TP63: variants seen among roughly 807,000 people sequenced by gnomAD.
The protein encoded by TP63 is tumor protein 63.
In TP63, 17 loss-of-function variants were observed where a neutral mutation model predicts 82.8. The ratio of observed to expected loss-of-function variants is 0.21; its 90% CI spans 0.14 to 0.31. The LOEUF is 0.31. TP63 is among the 10% of genes least tolerant of loss of function. TP63 has a pLI of 1.00. For synonymous variants in TP63, 330 were observed against 321.7 expected, an observed-to-expected ratio of 1.03 and a Z score of -0.28; for missense variants, 648 against 895.3, an observed-to-expected ratio of 0.72 and a Z score of 3.52.
chr3:189,760,945 C>T (rs1261589193), intron 3 of TP63, among the ~76,000 whole-genome samples: 1 of 152,208 alleles, frequency 6.6e-6, no homozygotes, highest in Non-Finnish European at 1.5e-5. Flanking sequence ...CTTGCACCCT[C>T]TGAGGCCATG....
rs367763002 is a variant in TP63, at chr3:189,819,747, C to CTTTT, written c.579+11240_579+11243dup. Among the ~76,000 whole-genome samples the CTTTT allele has an allele frequency of 2.8e-4, 25 of 89,838 alleles. 1 individual carries two copies. Among genetic ancestry groups the CTTTT allele is most frequent in the South Asian group, 4.0e-4 (1 of 2,524 alleles). 58.9% of individuals were successfully genotyped at this position (89,838 alleles called of 152,430 possible). Reference sequence around the variant, plus strand: ...TCACTGGTAATGGATTATATTTTACCTTTTTTTTTTTTTTTTTTTTTTGAG... The same window carrying CTTTT: ...TCACTGGTAATGGATTATATTTTACCTTTTTTTTTTTTTTTTTTTTTTTTTTGAG... On this transcript the variant is annotated intron_variant, in intron 4 of 13. Transcript: ENST00000264731.
chr3:189,840,119 G>A (rs532754643), intron 4 of TP63, among the ~76,000 whole-genome samples: 5 of 152,282 alleles, frequency 3.3e-5, no homozygotes, highest in Admixed American at 1.3e-4. Context: ...TACATCAAGC[G>A]TAAGTCTTAT....
At chr3:189,793,235 T>A (rs1725341929) in intron 3 of TP63, among the ~76,000 whole-genome samples, 1 of 151,698 alleles carries the variant, frequency 6.6e-6, no homozygotes, top group Non-Finnish European at 1.5e-5. Flanking sequence ...AAAAAAAGAT[T>A]TTGAGACAAT....
chr3:189,869,730 T>A (rs1718186391), intron 9 of TP63, among the ~76,000 whole-genome samples: 3 of 151,662 alleles, frequency 2.0e-5, no homozygotes, highest in South Asian at 4.2e-4. Context: ...TTTTTTTTTT[T>A]TATAAGGGCA....
the TP63 span, among the ~76,000 whole-genome samples, chr3:189,624,344 G>A: frequency 6.6e-6 from 1 of 151,906 alleles, no homozygotes; most frequent in Admixed American, 6.6e-5. Context: ...ACATATGTGT[G>A]GTTTTTAATG....
At chr3:189,873,067 T>C (rs1300636830) in intron 10 of TP63, 72 bp downstream of exon 10, 2 of 1,606,784 alleles carry the variant, frequency 1.2e-6, no homozygotes, top group East Asian at 2.2e-5. Context: ...AATAGGGTGA[T>C]TGATGAGCAA....
intron 1 of TP63, among the ~76,000 whole-genome samples, chr3:189,713,432 T>C (rs1252848379): frequency 6.6e-6 from 1 of 152,214 alleles, no homozygotes; most frequent in East Asian, 1.9e-4. Flanking sequence ...TTCATTTTCC[T>C]GAGCTGAGTT....
chr3:189,866,533 TG>T (rs1353732111), intron 5 of TP63, 148 bp from the exon 6 acceptor site: 15 of 700,058 alleles, frequency 2.1e-5, no homozygotes, highest in African/African-American at 5.4e-5. Context: ...TATCTGGCTA[TG>T]GGATCTGTTC....
intron 1 of TP63, among the ~76,000 whole-genome samples, chr3:189,679,917 A>G (rs953570211): frequency 5.9e-5 from 9 of 152,164 alleles, no homozygotes; most frequent in African/African-American, 2.2e-4. Context: ...GGAAAAAACA[A>G]TTAACCACAA....
intron 1 of TP63, among the ~76,000 whole-genome samples, chr3:189,652,607 G>A (rs1179816441): frequency 6.8e-6 from 1 of 146,702 alleles, no homozygotes; most frequent in Non-Finnish European, 1.5e-5. Context: ...TCATGATTGT[G>A]TTTTGAATTG....
At chr3:189,750,517 C>T (rs1383742138) in intron 3 of TP63, among the ~76,000 whole-genome samples, 2 of 152,130 alleles carry the variant, frequency 1.3e-5, no homozygotes, top group East Asian at 3.8e-4. Flanking sequence ...CTCAAGGTAT[C>T]GAATACTCCA....
chr3:189,631,533 A>T lies in TP63; in HGVS notation c.18A>T (p.Ser6=). MNFET[S]RCATLQYCPD... The stretch of plus-strand genomic sequence containing the variant: ...TGAAGGAAATGAATTTTGAAACTTC[A>T]CGGTGTGCCACCCTACAGTACTGCC... The change falls in exon 1 of 14, where the codon TCA becomes TCT. Residue 6 remains serine (S), a synonymous_variant. Transcript: ENST00000264731. The T allele has an allele frequency of 1.2e-6, 2 of 1,612,866 alleles. No homozygotes were observed. The highest frequency in any genetic ancestry group is 2.2e-5 in the South Asian group (2 of 91,062).
intron 1 of TP63, among the ~76,000 whole-genome samples, chr3:189,660,440 G>T (rs1379861353): frequency 6.6e-6 from 1 of 151,962 alleles, no homozygotes; most frequent in East Asian, 1.9e-4. Flanking sequence ...TGCTGTTTTT[G>T]TTACTGTAGC....
upstream of TP63, among the ~76,000 whole-genome samples, chr3:189,628,345 GA>G (rs1729365249): frequency 6.6e-6 from 1 of 152,104 alleles, no homozygotes; most frequent in Non-Finnish European, 1.5e-5. Context: ...CAACCTAGAG[GA>G]AAGTGCATGA....
intron 3 of TP63, among the ~76,000 whole-genome samples, chr3:189,786,853 C>A (rs1277811739): frequency 6.6e-6 from 1 of 151,892 alleles, no homozygotes; most frequent in African/African-American, 2.4e-5. Flanking sequence ...TAACTTACAC[C>A]ACTAGGTGGT....
chr3:189,596,813 G>T, the TP63 span, among the ~76,000 whole-genome samples: 1 of 152,136 alleles, frequency 6.6e-6, no homozygotes, highest in Non-Finnish European at 1.5e-5. Context: ...AGTAAATCTT[G>T]CTACTGCTCA....
chr3:189,658,669 TC>T, intron 1 of TP63, among the ~76,000 whole-genome samples: 1 of 152,192 alleles, frequency 6.6e-6, no homozygotes, highest in East Asian at 1.9e-4. Flanking sequence ...TGACTAGTGC[TC>T]CTCAAAATTT....
chr3:189,826,218 A>G (rs896323723), intron 4 of TP63, among the ~76,000 whole-genome samples: 4 of 152,238 alleles, frequency 2.6e-5, no homozygotes, highest in South Asian at 2.1e-4. Flanking sequence ...TAAGGCAAGG[A>G]CAAATGTTAT....
the TP63 span, among the ~76,000 whole-genome samples, chr3:189,620,262 C>A: frequency 7.0e-6 from 1 of 142,812 alleles, no homozygotes; most frequent in South Asian, 2.3e-4. Flanking sequence ...TGGTGGCTCA[C>A]GCCTGTAATC....
Sources: allele counts gnomAD v4.1 joint callset (sites outside exome capture counted in the v4.1 genomes callset), GRCh38; gene constraint gnomAD v4.1.1; transcripts MANE v1.5; gene names NCBI Gene and HGNC (gene_info 2026-07-23, HGNC 2026-07-21).